The following MRS2 variants were observed in gnomAD, a reference collection of about 807,000 sequenced individuals.
The protein encoded by MRS2 is magnesium transporter MRS2 homolog, mitochondrial.
MRS2 carries 40 observed loss-of-function variants against 52.6 expected under a neutral mutation model. The observed-to-expected ratio is 0.76, with a 90% confidence interval of 0.59 to 0.99. The LOEUF is 0.99. MRS2 is among the 50% of genes least tolerant of loss of function. MRS2 has a pLI of 0.00. For synonymous variants in MRS2, 193 were observed against 195.9 expected (o/e 0.98, Z 0.13); for missense variants, 472 against 532.7 (o/e 0.89, Z 1.12).
chr6:24,403,914 A>G (rs115944885), intron 1 of MRS2, among the ~76,000 whole-genome samples: 46 of 152,318 alleles, frequency 3.0e-4, no homozygotes, highest in South Asian at 2.7e-3. Context: ...ACAGTACTCT[A>G]TAAGTAAACA....
chr6:24,422,482 G>A (rs73384232), intron 9 of MRS2, among the ~76,000 whole-genome samples: 9 of 151,968 alleles, frequency 5.9e-5, no homozygotes, highest in South Asian at 4.1e-4. Context: ...TCACAGTATC[G>A]GAAGACAAAA....
chr6:24,406,115 A>G (rs950982857), intron 2 of MRS2, among the ~76,000 whole-genome samples: 15 of 151,396 alleles, frequency 9.9e-5, no homozygotes, highest in African/African-American at 3.2e-4. Context: ...AAAAAAAAAA[A>G]AAAAAAGGTG....
intron 9 of MRS2, among the ~76,000 whole-genome samples, chr6:24,422,582 A>T (rs1320014872): frequency 3.3e-5 from 5 of 151,180 alleles, no homozygotes; most frequent in Admixed American, 3.3e-4. Context: ...AGCACCAGAC[A>T]TTCAGCTCAC....
chr6:24,403,322 C>T, intron 1 of MRS2, 86 bp downstream of exon 1: 1 of 1,336,156 alleles, frequency 7.5e-7, no homozygotes, highest in Non-Finnish European at 9.9e-7. Context: ...CGCGGCGCGC[C>T]TGTTGCTCCG....
In MRS2 at chr6:24,403,000, C is replaced by T. The variant is rs370573823; in HGVS notation, c.-47C>T. 75 of 1,503,474 alleles carry T rather than the reference C, an allele frequency of 5.0e-5. No homozygotes were observed. The highest frequency in any genetic ancestry group is 5.7e-5 in the Non-Finnish European group (64 of 1,124,968). The allele number at this position is 1,503,474 out of a possible 1,614,324, so 93.1% of individuals were successfully genotyped here. The stretch of plus-strand genomic sequence containing the variant: ...TGCGGCCTGAGCAGCCAGCGTCCGG[C>T]ATGAAGGTCTGGGGTCTGGCTGCTG... On this transcript the variant is annotated 5_prime_UTR_variant, in exon 1 of 11. Transcript: ENST00000378386.
intron 9 of MRS2, among the ~76,000 whole-genome samples, chr6:24,422,193 A>G (rs1263853559): frequency 6.6e-6 from 1 of 152,196 alleles, no homozygotes; most frequent in South Asian, 2.1e-4. Flanking sequence ...AATAAGTGAC[A>G]TGCATTTCCA....
In MRS2 at chr6:24,409,480, A is replaced by G; in HGVS notation, c.321A>G (p.Leu107=). The change falls in exon 4 of 11, where the codon TTA becomes TTG. Residue 107 remains leucine (L), a synonymous_variant. Transcript: ENST00000378386. ...TTATAGAAAGGAAGAAAACTGAATT[A>G]TACCAAGAGTTAGGTCTTCAAGCCA... ...VTSFERKKTE[L]YQELGLQARD... is the part of the protein sequence containing the mutation. 6.2e-7 allele frequency: 1 copy of G among 1,607,540 alleles called. No homozygotes were observed. The highest frequency in any genetic ancestry group is 8.5e-7 in the Non-Finnish European group (1 of 1,175,598).
At position 24,423,667 on chromosome 6, in the gene MRS2, A is replaced by G; in HGVS notation, c.1305A>G (p.Ser435=). ...KNSLRLDGLG[S]GRSILTNR Reference sequence around the variant, plus strand: ...GCCTCAGACTGGATGGACTTGGATCAGGAAGGAGCATCCTAACAAACCGTT... The same window carrying G: ...GCCTCAGACTGGATGGACTTGGATCGGGAAGGAGCATCCTAACAAACCGTT... Residue 435 remains serine, a synonymous_variant, in exon 11 of 11, where the codon TCA becomes TCG. Coordinates refer to ENST00000378386, the MANE Select transcript of MRS2 (RefSeq NM_020662.4). 6.2e-7 allele frequency: 1 copy of G among 1,610,250 alleles called. No homozygotes were observed. The highest frequency in any genetic ancestry group is 8.5e-7 in the Non-Finnish European group (1 of 1,176,958).
rs1480314362 is a variant in MRS2, at chr6:24,417,874, A to G, written c.837-210A>G. ...GGAGAACAGCTTGAACCTGGGAGGC[A>G]GAGGTTGCAGTGAGCCGAGATCGCG... On this transcript the variant is annotated intron_variant, in intron 7 of 10. Transcript: ENST00000378386. 3.3e-5 allele frequency among the ~76,000 whole-genome samples: 5 copies of G among 151,876 alleles called. No homozygotes were observed. The South Asian group carries it at 6.2e-4, about 19-fold the overall frequency.
At chr6:24,403,403 C>T (rs1761354499) in intron 1 of MRS2, among the ~76,000 whole-genome samples, 167 bp downstream of exon 1, 1 of 152,244 alleles carries the variant, frequency 6.6e-6, no homozygotes, top group Non-Finnish European at 1.5e-5. Context: ...AGCTGCGTCC[C>T]ACTCGCTCAG....
At chr6:24,405,774 C>CTT (rs11406924) in intron 2 of MRS2, among the ~76,000 whole-genome samples, 42,035 of 125,706 alleles carry the variant, frequency 0.33, 7,590 homozygotes, top group East Asian at 0.74. Context: ...TCTTTGTAGG[C>CTT]TTTTTTTTTT....
intron 4 of MRS2, among the ~76,000 whole-genome samples, chr6:24,411,937 G>A (rs1234819110): frequency 1.4e-5 from 2 of 145,984 alleles, no homozygotes; most frequent in East Asian, 4.0e-4. Flanking sequence ...AATAATTCCA[G>A]TTTTATTGAG....
chr6:24,422,496 T>G (rs531758381), intron 9 of MRS2, among the ~76,000 whole-genome samples: 1 of 152,264 alleles, frequency 6.6e-6, no homozygotes, highest in African/African-American at 2.4e-5. Context: ...GACAAAAAAT[T>G]TATTATGTTA....
At position 24,403,046 on chromosome 6, in the gene MRS2, C is replaced by A; in HGVS notation, c.-1C>A. 4.4e-6 allele frequency: 7 copies of A among 1,601,330 alleles called. No individual in the cohort carries two copies. In the East Asian group the frequency reaches 9.0e-5, roughly 20 times the overall value. On this transcript the variant is annotated 5_prime_UTR_variant, in exon 1 of 11. Coordinates refer to ENST00000378386, the MANE Select transcript of MRS2 (RefSeq NM_020662.4). ...TGCTGCCTGCTTCTTGCTCCAGCAC[C>A]ATGGAATGCCTGCGCAGTTTACCCT...
At position 24,422,977 on chromosome 6, in the gene MRS2, T is replaced by C. The variant is rs1450442374; in HGVS notation, c.1148T>C (p.Met383Thr). The C allele has an allele frequency of 6.2e-7, 1 of 1,614,146 alleles. No individual in the cohort carries two copies. The change falls in exon 10 of 11, where the codon ATG (methionine) becomes ACG (threonine). Residue 383 changes from methionine (M) to threonine (T), a missense_variant. Met to Thr is a moderately conservative substitution (Grantham distance 81, BLOSUM62 -1). Transcript: ENST00000378386. Reference sequence around the variant, plus strand: ...TGGCTGATTACAGGAATTATGTTCATGGGAAGTGGCCTCATCTGGAGGCGC... The same window carrying C: ...TGGCTGATTACAGGAATTATGTTCACGGGAAGTGGCCTCATCTGGAGGCGC... ...IFWLITGIMF[M>T]GSGLIWRRLL... is the part of the protein sequence containing the mutation.
At chr6:24,404,531 C>T (rs910409206) in intron 1 of MRS2, among the ~76,000 whole-genome samples, 4 of 152,174 alleles carry the variant, frequency 2.6e-5, no homozygotes, top group Non-Finnish European at 5.9e-5. Flanking sequence ...ACAGTGTCCT[C>T]TGTCAGTCAT....
intron 5 of MRS2, among the ~76,000 whole-genome samples, chr6:24,414,004 AAG>A (rs763942481): frequency 8.5e-5 from 13 of 152,224 alleles, no homozygotes; most frequent in Non-Finnish European, 1.2e-4. Context: ...TTTATTTTCA[AAG>A]AGCTTTGTAG....
At chr6:24,418,262 G>T (rs1761919924) in intron 8 of MRS2, 26 bp downstream of exon 8, 4 of 1,522,476 alleles carry the variant, frequency 2.6e-6, no homozygotes, top group African/African-American at 2.8e-5. Context: ...ATAAAACTAA[G>T]TTTTTTTAAT....
chr6:24,409,356 A>G (rs1170395128), intron 3 of MRS2, 105 bp from the exon 4 acceptor site: 6 of 585,636 alleles, frequency 1.0e-5, no homozygotes. Flanking sequence ...TGTTTCTGGT[A>G]GTAACCAAAA....
Sources: allele counts gnomAD v4.1 joint callset (sites outside exome capture counted in the v4.1 genomes callset), GRCh38; gene constraint gnomAD v4.1.1; transcripts MANE v1.5; gene names NCBI Gene and HGNC (gene_info 2026-07-23, HGNC 2026-07-21).